LRRIQ4: variants seen among roughly 807,000 people sequenced by gnomAD.
The protein encoded by LRRIQ4 is leucine rich repeats and IQ motif containing 4.
Under a neutral mutation model 40.1 loss-of-function variants are expected in LRRIQ4, and 21 were observed. That is an observed-to-expected ratio of 0.52 (90% CI 0.37 to 0.75). The LOEUF (loss-of-function observed/expected upper bound fraction) is 0.75. Among genes scored for constraint, LRRIQ4 ranks in the 30% least tolerant of loss-of-function variants. The probability of loss-of-function intolerance (pLI) is 0.00; values close to 1 mark genes in which losing one functional copy is unlikely to be tolerated. For synonymous variants in LRRIQ4, 277 were observed against 277.1 expected (o/e 1.00, Z 0.00); for missense variants, 655 against 660.0 (o/e 0.99, Z 0.08).
chr3:169,820,454 A>G (rs940855364), intron 1 of LRRIQ4, among the ~76,000 whole-genome samples: 3 of 148,396 alleles, frequency 2.0e-5, no homozygotes, highest in East Asian at 3.9e-4. Context: ...AACTTCTACC[A>G]AAAAAGAAAA....
At chr3:169,821,691 T>C (rs1330931706) in intron 1 of LRRIQ4, among the ~76,000 whole-genome samples, 200 bp from the exon 2 acceptor site, 2 of 152,060 alleles carry the variant, frequency 1.3e-5, no homozygotes, top group East Asian at 3.8e-4. Context: ...TTTTTTTTTT[T>C]CATGTGAGTC....
At position 169,822,859 on chromosome 3, in the gene LRRIQ4, AC is replaced by A; in HGVS notation, c.940del (p.His314IlefsTer12). ...TTGCGCTTCCTGGACCTAAGCCAGA[AC>A]CATCTGCACCACTGCCCGCTGCAGA... Reference protein sequence around the residue: ...VNLRFLDLSQNHLHHCPLQIC... With the variant: ...VNLRFLDLSQXHLHHCPLQIC... On this transcript the variant is annotated frameshift_variant, in exon 2 of 6. Coordinates refer to ENST00000340806, the MANE Select transcript of LRRIQ4 (RefSeq NM_001080460.3). LOFTEE classifies it high-confidence loss of function. The A allele has an allele frequency of 1.2e-6, 2 of 1,610,936 alleles. No individual in the cohort carries two copies. The highest frequency in any genetic ancestry group is 8.5e-7 in the Non-Finnish European group (1 of 1,178,502).
intron 2 of LRRIQ4, among the ~76,000 whole-genome samples, chr3:169,828,259 T>G (rs1560613511): frequency 1.3e-5 from 2 of 151,696 alleles, no homozygotes; most frequent in Non-Finnish European, 1.5e-5. Context: ...TTGAGACAGA[T>G]TCTCGCTCTG....
At chr3:169,821,835 G>A (rs1779896801) in intron 1 of LRRIQ4, 56 bp from the exon 2 acceptor site, 2 of 873,040 alleles carry the variant, frequency 2.3e-6, no homozygotes, top group South Asian at 3.1e-5. Context: ...CTTAAGGATA[G>A]CAAGTCTGGT....
chr3:169,817,121 T>A (rs948114981), intron 1 of LRRIQ4, among the ~76,000 whole-genome samples: 1 of 152,198 alleles, frequency 6.6e-6, no homozygotes, highest in African/African-American at 2.4e-5. Flanking sequence ...CCCATAGGTT[T>A]TGTTATGTTG....
intron 1 of LRRIQ4, 39 bp from the exon 2 acceptor site, chr3:169,821,852 T>G (rs1359210454): frequency 9.6e-6 from 11 of 1,143,132 alleles, no homozygotes. Flanking sequence ...TGGTGGCAGG[T>G]AAATTCTATT....
In LRRIQ4 at chr3:169,822,604, C is replaced by T. The variant is rs898422279; in HGVS notation, c.683C>T (p.Ala228Val). 1 of 1,613,908 alleles carries T rather than the reference C, an allele frequency of 6.2e-7. No homozygotes were observed. The highest frequency in any genetic ancestry group is 1.3e-5 in the African/African-American group (1 of 74,938). ...TCTAACAACCTTCCCGTTCTGCCCG[C>T]GTCCTTGTGCCAGTGTAGCCAACTG... ...MASNNLPVLPASLCQCSQLSV... is the reference protein window; with the variant it reads ...MASNNLPVLPVSLCQCSQLSV... The change falls in exon 2 of 6, where the codon GCG becomes GTG. Residue 228 changes from alanine (A) to valine (V), a missense_variant. Ala to Val is a moderately conservative substitution (Grantham distance 64). Transcript: ENST00000340806.
At chr3:169,815,794 C>T (rs1042641448) in intron 1 of LRRIQ4, among the ~76,000 whole-genome samples, 7 of 152,226 alleles carry the variant, frequency 4.6e-5, no homozygotes, top group Non-Finnish European at 4.4e-5. Flanking sequence ...TGGTTTTTAT[C>T]GTGTTGAGGT....
chr3:169,829,737 G>A (rs1245529601), intron 3 of LRRIQ4, among the ~76,000 whole-genome samples: 1 of 152,166 alleles, frequency 6.6e-6, no homozygotes, highest in African/African-American at 2.4e-5. Flanking sequence ...CTGACCTCAG[G>A]TGATCCACCT....
intron 1 of LRRIQ4, among the ~76,000 whole-genome samples, chr3:169,819,323 TG>T (rs1208678055): frequency 4.6e-5 from 7 of 152,268 alleles, no homozygotes; most frequent in African/African-American, 1.7e-4. Context: ...GTCAAATTGA[TG>T]GGGTATATGA....
rs1413425754 is a variant in LRRIQ4, at chr3:169,822,893, A to G, written c.972A>G (p.Ala324=). The change falls in exon 2 of 6, where the codon GCA becomes GCG. Residue 324 remains alanine, a synonymous_variant. Coordinates refer to ENST00000340806, the MANE Select transcript of LRRIQ4 (RefSeq NM_001080460.3). ...HLHHCPLQIC[A]LKNLEVLGLD... ...ACCACTGCCCGCTGCAGATCTGTGC[A>G]CTGAAGAACCTTGAAGTCCTGGGAC... The G allele has an allele frequency of 1.9e-6, 3 of 1,575,338 alleles. No homozygotes were observed. Among genetic ancestry groups the G allele is most frequent in the Non-Finnish European group, 2.6e-6 (3 of 1,163,942 alleles).
chr3:169,828,769 A>C lies in LRRIQ4; in HGVS notation c.1031A>C (p.Glu344Ala). 1 of 1,612,136 alleles carries C rather than the reference A, an allele frequency of 6.2e-7. No homozygotes were observed. Among genetic ancestry groups the C allele is most frequent in the South Asian group, 1.1e-5 (1 of 90,534 alleles). ...DDNKIGQLPS[E>A]LGSLSKLKIL... is the part of the protein sequence containing the mutation. ...TTGGAATACTTCTAGTTACCTTCAG[A>C]ATTGGGCTCACTTTCAAAACTGAAG... Residue 344 changes from glutamate (E) to alanine (A), a missense_variant, in exon 3 of 6, where the codon GAA becomes GCA. By Grantham distance (107) the Glu-to-Ala change is moderately radical. Coordinates refer to ENST00000340806, the MANE Select transcript of LRRIQ4 (RefSeq NM_001080460.3).
chr3:169,813,478 C>A (rs1779680518), intron 1 of LRRIQ4, among the ~76,000 whole-genome samples: 1 of 152,134 alleles, frequency 6.6e-6, no homozygotes, highest in Non-Finnish European at 1.5e-5. Context: ...ATCCCCCTTG[C>A]AGGGCATGCG....
Position 169,831,147 on chromosome 3 carries a change from C to A in LRRIQ4, c.1333+517C>A, listed in dbSNP as rs560849982. Among the ~76,000 whole-genome samples, 209 of 151,674 alleles carry A rather than the reference C, an allele frequency of 1.4e-3. No individual in the cohort carries two copies. In the Middle Eastern group the frequency reaches 0.014, roughly 10 times the overall value. On this transcript the variant is annotated intron_variant, in intron 4 of 5. Coordinates refer to ENST00000340806, the MANE Select transcript of LRRIQ4 (RefSeq NM_001080460.3). ...CTAAGCCATTCTTTGTCTGTACATT[C>A]ATCCATCCACTTAATATGCTTTTGC...
At position 169,837,506 on chromosome 3, in the gene LRRIQ4, G is replaced by A. The variant is rs1292320149; in HGVS notation, c.1558G>A (p.Val520Ile). ...TCAGGCATGGTGGCGTGGAACAATGGTACAGAGAGGATTTGGGAAATTCGG... is the reference window on the plus strand; with the variant it reads ...TCAGGCATGGTGGCGTGGAACAATGATACAGAGAGGATTTGGGAAATTCGG... Reference protein sequence around the residue: ...KIQAWWRGTMVQRGFGKFGEL... With the variant: ...KIQAWWRGTMIQRGFGKFGEL... The change falls in exon 6 of 6, where the codon GTA (valine) becomes ATA (isoleucine). Residue 520 changes from valine to isoleucine, a missense_variant. Coordinates refer to ENST00000340806, the MANE Select transcript of LRRIQ4 (RefSeq NM_001080460.3). 6.2e-7 allele frequency: 1 copy of A among 1,609,942 alleles called. No homozygotes were observed. Among genetic ancestry groups the A allele is most frequent in the East Asian group, 2.2e-5 (1 of 44,828 alleles).
chr3:169,830,430 A>T, intron 3 of LRRIQ4, 62 bp from the exon 4 acceptor site: 8 of 409,314 alleles, frequency 2.0e-5, no homozygotes, highest in Non-Finnish European at 2.8e-5. Flanking sequence ...CCCACAGGTG[A>T]TTCTGGTTAT....
At chr3:169,827,606 C>CAAA (rs59524627) in intron 2 of LRRIQ4, among the ~76,000 whole-genome samples, 21 of 77,488 alleles carry the variant, frequency 2.7e-4, no homozygotes, top group Non-Finnish European at 3.6e-4. Flanking sequence ...GACTCCGTCT[C>CAAA]AAAAAAAAAA....
Position 169,837,541 on chromosome 3 carries a change from A to G in LRRIQ4, c.1593A>G (p.Leu531=). The part of the protein sequence containing the change: ...QRGFGKFGEL[L]KPQKKGKTSP... ...GATTTGGGAAATTCGGTGAACTACT[A>G]AAACCACAAAAGAAAGGAAAGACCT... is the stretch of plus-strand genomic sequence containing the variant. Residue 531 remains leucine, a synonymous_variant, in exon 6 of 6, where the codon CTA becomes CTG. Transcript: ENST00000340806. 6.2e-7 allele frequency: 1 copy of G among 1,607,962 alleles called. No individual in the cohort carries two copies. The highest frequency in any genetic ancestry group is 8.5e-7 in the Non-Finnish European group (1 of 1,177,308).
intron 5 of LRRIQ4, among the ~76,000 whole-genome samples, chr3:169,837,004 GGGTA>G: frequency 6.6e-6 from 1 of 152,266 alleles, no homozygotes; most frequent in East Asian, 1.9e-4. Context: ...GGGTGTTGCT[GGGTA>G]GGTAGGAGGG....
Sources: gnomAD v4.1 joint callset for allele counts (sites outside exome capture counted in the v4.1 genomes callset) on GRCh38, gnomAD v4.1.1 for gene constraint, MANE v1.5 for transcripts, NCBI Gene and HGNC (gene_info 2026-07-23, HGNC 2026-07-21) for gene names.